PFDN1: variants seen among roughly 807,000 people sequenced by gnomAD.
PFDN1 encodes the protein prefoldin 1.
In PFDN1, 6 loss-of-function variants were observed where a neutral mutation model predicts 17.3. The observed-to-expected ratio is 0.35, with a 90% CI of 0.19 to 0.69. The LOEUF (loss-of-function observed/expected upper bound fraction) is 0.69, where lower values mean the gene tolerates loss of function less well. Among genes scored for constraint, PFDN1 ranks in the 30% least tolerant of loss-of-function variants. The pLI, the probability that PFDN1 is intolerant of heterozygous loss-of-function variation, is 0.65. For synonymous variants in PFDN1, 58 were observed against 50.1 expected, an observed-to-expected ratio of 1.16 and a Z score of -0.67; for missense variants, 113 against 146.2, an observed-to-expected ratio of 0.77 and a Z score of 1.17.
At chr5:140,276,921 A>C (rs1180980746) in intron 3 of PFDN1, among the ~76,000 whole-genome samples, 1 of 152,044 alleles carries the variant, frequency 6.6e-6, no homozygotes, top group Non-Finnish European at 1.5e-5. Context: ...AGGTATGTTA[A>C]AAAGTTTGAA....
At chr5:140,266,374 A>G (rs1483358847) in intron 3 of PFDN1, among the ~76,000 whole-genome samples, 1 of 152,216 alleles carries the variant, frequency 6.6e-6, no homozygotes, top group East Asian at 1.9e-4. Flanking sequence ...AGAAATATCT[A>G]AAAGCAGGCA....
chr5:140,301,564 G>C (rs1765747018), intron 1 of PFDN1, among the ~76,000 whole-genome samples: 1 of 151,914 alleles, frequency 6.6e-6, no homozygotes, highest in African/African-American at 2.4e-5. Flanking sequence ...GAAGGGGAGG[G>C]GCCTGAAATT....
At chr5:140,280,296 T>C (rs111500490) in intron 3 of PFDN1, among the ~76,000 whole-genome samples, 18 of 152,230 alleles carry the variant, frequency 1.2e-4, no homozygotes, top group African/African-American at 3.9e-4. Context: ...CTGTTTGGGT[T>C]TTTAAAGATA....
chr5:140,280,014 C>CAAAAAAAAAAAAAAAAAAAAAAAAAA (rs5871731), intron 3 of PFDN1, among the ~76,000 whole-genome samples: 3 of 99,126 alleles, frequency 3.0e-5, no homozygotes, highest in African/African-American at 5.0e-5. Context: ...AAAAAAAAAA[C>CAAAAAAAAAAAAAAAAAAAAAAAAAA]AAAAAAAGAA....
At chr5:140,274,704 T>A (rs1008192919) in intron 3 of PFDN1, among the ~76,000 whole-genome samples, 1 of 152,078 alleles carries the variant, frequency 6.6e-6, no homozygotes, top group Non-Finnish European at 1.5e-5. Flanking sequence ...CAGTCTAACA[T>A]AGGGGTATTA....
chr5:140,291,893 G>C (rs1323663152), intron 2 of PFDN1, among the ~76,000 whole-genome samples: 1 of 152,214 alleles, frequency 6.6e-6, no homozygotes, highest in East Asian at 1.9e-4. Flanking sequence ...TGAGGACTGA[G>C]AACTCACTGG....
intron 2 of PFDN1, among the ~76,000 whole-genome samples, chr5:140,296,592 T>C (rs1010161171): frequency 1.3e-5 from 2 of 152,148 alleles, no homozygotes; most frequent in Non-Finnish European, 2.9e-5. Flanking sequence ...AAGAGGAATA[T>C]TGCCAGCCAA....
chr5:140,280,014 C>CAAAAAAAAAAAAAAAAAAAA (rs5871731), intron 3 of PFDN1, among the ~76,000 whole-genome samples: 17 of 99,114 alleles, frequency 1.7e-4, no homozygotes, highest in African/African-American at 3.5e-4. Context: ...AAAAAAAAAA[C>CAAAAAAAAAAAAAAAAAAAA]AAAAAAAGAA....
At chr5:140,247,757 G>A (rs981591631) in intron 3 of PFDN1, among the ~76,000 whole-genome samples, 8 of 152,096 alleles carry the variant, frequency 5.3e-5, no homozygotes, top group Non-Finnish European at 7.4e-5. Flanking sequence ...TGGCCAACAT[G>A]GCAAAACCCT....
At chr5:140,276,449 G>C (rs1012753019) in intron 3 of PFDN1, among the ~76,000 whole-genome samples, 1 of 152,068 alleles carries the variant, frequency 6.6e-6, no homozygotes, top group Admixed American at 6.6e-5. Context: ...ACTACTTTTC[G>C]AAGATCTAGC....
At chr5:140,279,023 A>AG (rs1037582327) in intron 3 of PFDN1, among the ~76,000 whole-genome samples, 16 of 151,910 alleles carry the variant, frequency 1.1e-4, no homozygotes, top group African/African-American at 3.9e-4. Flanking sequence ...TGGGAATCAA[A>AG]AAAAGAAATT....
chr5:140,274,099 G>C lies in PFDN1; in HGVS notation c.285+7350C>G, dbSNP rs574297980. ...GACTTAAATTTTCCTAACTGCAAAAGAGGCCCATTAATTATTTCCTGCTTA... is the reference window on the plus strand; with the variant it reads ...GACTTAAATTTTCCTAACTGCAAAACAGGCCCATTAATTATTTCCTGCTTA... On this transcript the variant is annotated intron_variant, in intron 3 of 3. Coordinates refer to ENST00000261813, the MANE Select transcript of PFDN1 (RefSeq NM_002622.5). Among the ~76,000 whole-genome samples, 3 of 152,276 alleles carry C rather than the reference G, an allele frequency of 2.0e-5. No homozygotes were observed. In the South Asian group the frequency reaches 6.2e-4, roughly 32 times the overall value.
At chr5:140,280,014 C>CAAAAA (rs5871731) in intron 3 of PFDN1, among the ~76,000 whole-genome samples, 4 of 99,108 alleles carry the variant, frequency 4.0e-5, no homozygotes, top group Non-Finnish European at 7.5e-5. Flanking sequence ...AAAAAAAAAA[C>CAAAAA]AAAAAAAGAA....
chr5:140,282,195 T>TAAAAAAAAAAA (rs34012371), intron 2 of PFDN1: 3 of 124,282 alleles, frequency 2.4e-5, no homozygotes, highest in Admixed American at 8.2e-5. Flanking sequence ...TTAAAAACAT[T>TAAAAAAAAAAA]AAAAAAAAAA....
chr5:140,270,877 G>C (rs999502367), intron 3 of PFDN1, among the ~76,000 whole-genome samples: 2 of 152,082 alleles, frequency 1.3e-5, no homozygotes, highest in African/African-American at 4.8e-5. Flanking sequence ...AGTGAGCCAA[G>C]ATTGCGCCAC....
chr5:140,298,139 A>G (rs183797662), intron 2 of PFDN1, among the ~76,000 whole-genome samples: 5 of 152,348 alleles, frequency 3.3e-5, no homozygotes, highest in Non-Finnish European at 2.9e-5. Context: ...AAAATGAAAT[A>G]TATGAGCTTG....
intron 3 of PFDN1, among the ~76,000 whole-genome samples, chr5:140,272,363 ATT>A (rs34993514): frequency 7.3e-6 from 1 of 136,842 alleles, no homozygotes. Flanking sequence ...TGGTAAAACC[ATT>A]TTTTTTTTTT....
intron 3 of PFDN1, among the ~76,000 whole-genome samples, chr5:140,252,640 G>A (rs541485147): frequency 5.3e-5 from 8 of 152,338 alleles, no homozygotes; most frequent in African/African-American, 1.7e-4. Context: ...AATGGTCAGA[G>A]GGTACCAACT....
At chr5:140,265,594 C>T (rs1765123781) in intron 3 of PFDN1, 1 of 152,196 alleles carries the variant, frequency 6.6e-6, no homozygotes, top group African/African-American at 2.4e-5. Context: ...TTTCAGTTTC[C>T]TTTTAAAATT....
Sources: allele counts gnomAD v4.1 joint callset (sites outside exome capture counted in the v4.1 genomes callset), GRCh38; gene constraint gnomAD v4.1.1; transcripts MANE v1.5; gene names NCBI Gene and HGNC (gene_info 2026-07-23, HGNC 2026-07-21).